Variants in PUS10 observed in about 807,000 individuals in gnomAD.
PUS10 encodes the protein tRNA pseudouridine synthase Pus10.
Under a neutral mutation model 75.0 loss-of-function variants are expected in PUS10, and 59 were observed. The ratio of observed to expected loss-of-function variants is 0.79; its 90% CI spans 0.64 to 0.98. PUS10 has a LOEUF of 0.98. Ranked by LOEUF, PUS10 falls within the 50% of genes least tolerant of loss-of-function variation. PUS10 has a pLI of 0.00. For synonymous variants in PUS10, 219 were observed against 211.6 expected (o/e 1.03, Z -0.30); for missense variants, 650 against 614.4 (o/e 1.06, Z -0.61).
chr2:61,017,836 C>T (rs1680113252), intron 1 of PUS10, 172 bp downstream of exon 1: 3 of 1,550,362 alleles, frequency 1.9e-6, no homozygotes, highest in Non-Finnish European at 2.6e-6. Context: ...GGACCAGGAC[C>T]GGGCCCCACT....
At chr2:60,988,564 T>G (rs1382998664) in intron 4 of PUS10, among the ~76,000 whole-genome samples, 3 of 152,148 alleles carry the variant, frequency 2.0e-5, no homozygotes, top group Admixed American at 6.6e-5. Context: ...ATGCAAAAAT[T>G]TTATCTTAAA....
chr2:60,975,688 T>G (rs918091722), intron 4 of PUS10, among the ~76,000 whole-genome samples: 1 of 149,100 alleles, frequency 6.7e-6, no homozygotes, highest in African/African-American at 2.5e-5. Flanking sequence ...AAAAAAAGAA[T>G]AATGGTCTCC....
At chr2:60,997,609 C>CAAAA (rs559678211) in intron 4 of PUS10, among the ~76,000 whole-genome samples, 1 of 77,818 alleles carries the variant, frequency 1.3e-5, no homozygotes, top group African/African-American at 3.2e-5. Flanking sequence ...GACTCCATCT[C>CAAAA]AAAAAAAAAA....
At chr2:61,009,574 A>G (rs554396684) in intron 2 of PUS10, among the ~76,000 whole-genome samples, 3 of 152,332 alleles carry the variant, frequency 2.0e-5, no homozygotes, top group Admixed American at 2.0e-4. Flanking sequence ...TTAGCATATG[A>G]TTACAAACCA....
At position 60,942,194 on chromosome 2, in the gene PUS10, T is replaced by C; in HGVS notation, c.*201A>G. 2.0e-6 allele frequency: 1 copy of C among 499,258 alleles called. No individual in the cohort carries two copies. Among genetic ancestry groups the C allele is most frequent in the Admixed American group, 3.7e-5 (1 of 26,898 alleles). 30.9% of individuals were successfully genotyped at this position (499,258 alleles called of 1,614,324 possible). On this transcript the variant is annotated 3_prime_UTR_variant, in exon 18 of 18. Transcript: ENST00000316752. ...AGGGAATGAGAAAAATCCTAAGACA[T>C]CCTTGGAACAATTTAACACAAAATA...
At chr2:60,993,876 G>A (rs980128622) in intron 4 of PUS10, among the ~76,000 whole-genome samples, 151 of 151,970 alleles carry the variant, frequency 9.9e-4, no homozygotes, top group Admixed American at 4.5e-3. Flanking sequence ...TGCAAGTTCC[G>A]CCTCCCATGT....
chr2:60,942,684 T>A (rs1358586650), intron 17 of PUS10, among the ~76,000 whole-genome samples: 1 of 152,150 alleles, frequency 6.6e-6, no homozygotes, highest in African/African-American at 2.4e-5. Context: ...TTTTGACTGA[T>A]AAGAGAATAC....
intron 2 of PUS10, 53 bp from the exon 3 acceptor site, chr2:61,009,068 C>T (rs1679434843): frequency 3.3e-6 from 5 of 1,492,738 alleles, no homozygotes; most frequent in Non-Finnish European, 4.5e-6. Context: ...GTCCTTAAGG[C>T]TTTCTAGGTA....
chr2:60,948,584 T>G (rs182952733), intron 15 of PUS10, among the ~76,000 whole-genome samples: 1,549 of 147,296 alleles, frequency 0.011, 12 homozygotes, highest in African/African-American at 0.017. Flanking sequence ...GTTGTTTTGG[T>G]TTTTTTTTGG....
At chr2:60,991,959 C>T (rs144509753) in intron 4 of PUS10, among the ~76,000 whole-genome samples, 2 of 152,080 alleles carry the variant, frequency 1.3e-5, no homozygotes, top group East Asian at 1.9e-4. Flanking sequence ...ATATCAGTTG[C>T]TGCATGCCAC....
chr2:60,942,722 G>C (rs1393977772), intron 17 of PUS10, among the ~76,000 whole-genome samples: 11 of 151,874 alleles, frequency 7.2e-5, no homozygotes. Context: ...GGTATTTATG[G>C]GGCCAGGTGT....
In PUS10 at chr2:60,942,328, G is replaced by T; in HGVS notation, c.*67C>A. Reference sequence around the variant, plus strand: ...TATGGTGGGTAAACAGCCATTTTACGGCATGTGCTCCATGGATGTCCACAT... The same window carrying T: ...TATGGTGGGTAAACAGCCATTTTACTGCATGTGCTCCATGGATGTCCACAT... On this transcript the variant is annotated 3_prime_UTR_variant, in exon 18 of 18. Transcript: ENST00000316752. The T allele has an allele frequency of 7.7e-7, 1 of 1,307,024 alleles. No homozygotes were observed. The highest frequency in any genetic ancestry group is 1.2e-5 in the South Asian group (1 of 84,732). The allele number at this position is 1,307,024 out of a possible 1,614,324, so 81.0% of individuals were successfully genotyped here. A position where few individuals can be genotyped will look rare whatever the true frequency, so the allele number is the denominator to read the frequency against.
rs536372508 is a variant in PUS10, at chr2:60,947,746, A to G, written c.1451+297T>C. ...CGGGAGGCTGAGGCAGGAGAATGGC[A>G]TGAACCCAGGAGGCGGAGCTTGCAG... On this transcript the variant is annotated intron_variant, in intron 16 of 17. Transcript: ENST00000316752. 6.7e-4 allele frequency among the ~76,000 whole-genome samples: 100 copies of G among 150,252 alleles called. 3 individuals carry two copies. Among genetic ancestry groups the G allele is most frequent in the African/African-American group, 5.6e-4 (23 of 40,948 alleles).
At chr2:60,945,245 A>C (rs1674871113) in intron 16 of PUS10, 137 bp from the exon 17 acceptor site, 2 of 567,020 alleles carry the variant, frequency 3.5e-6, no homozygotes, top group South Asian at 5.2e-5. Context: ...TGTGTGTCTT[A>C]AAAAATAAGC....
At chr2:61,010,950 G>T in intron 2 of PUS10, 1 of 1,512,148 alleles carries the variant, frequency 6.6e-7, no homozygotes, top group Non-Finnish European at 8.9e-7. Flanking sequence ...AATTATATAA[G>T]ACCTTGACAT....
chr2:60,978,041 C>T (rs1024239025), intron 4 of PUS10, among the ~76,000 whole-genome samples: 5 of 152,068 alleles, frequency 3.3e-5, no homozygotes, highest in Non-Finnish European at 1.5e-5. Flanking sequence ...GACAGAGACA[C>T]ACTTAGGAGG....
intron 4 of PUS10, among the ~76,000 whole-genome samples, chr2:61,004,419 C>T (rs1022171903): frequency 6.6e-6 from 1 of 151,800 alleles, no homozygotes; most frequent in Non-Finnish European, 1.5e-5. Flanking sequence ...GGTCAGAAGA[C>T]AGATCAAGAC....
intron 11 of PUS10, among the ~76,000 whole-genome samples, chr2:60,956,192 A>C (rs1276050479): frequency 1.3e-5 from 2 of 152,172 alleles, no homozygotes; most frequent in East Asian, 1.9e-4. Flanking sequence ...AGTCCCAAAA[A>C]ACTCTCCCTT....
At chr2:61,006,774 G>A in intron 3 of PUS10, 131 bp from the exon 4 acceptor site, 1 of 644,256 alleles carries the variant, frequency 1.6e-6, no homozygotes, top group Non-Finnish European at 2.7e-6. Context: ...ATTTGACAGT[G>A]GAACACTCAC....
Sources: gnomAD v4.1 joint callset for allele counts (sites outside exome capture counted in the v4.1 genomes callset) on GRCh38, gnomAD v4.1.1 for gene constraint, MANE v1.5 for transcripts, NCBI Gene and HGNC (gene_info 2026-07-23, HGNC 2026-07-21) for gene names.